Variants in LAMTOR3 observed in about 807,000 individuals in gnomAD.
LAMTOR3 encodes late endosomal/lysosomal adaptor, MAPK and MTOR activator 3.
In LAMTOR3, 14 loss-of-function variants were observed where a neutral mutation model predicts 20.3. That is an observed-to-expected ratio of 0.69 (90% CI 0.46 to 1.08). The LOEUF is 1.08. Ranked by LOEUF, LAMTOR3 falls within the 50% of genes least tolerant of loss-of-function variation. The pLI is 0.00. For missense variants in LAMTOR3, 125 were observed against 143.7 expected, an observed-to-expected ratio of 0.87 and a Z score of 0.67; for synonymous variants, 40 against 49.4, an observed-to-expected ratio of 0.81 and a Z score of 0.80.
chr4:99,893,122 G>A (rs1392479699), intron 2 of LAMTOR3, among the ~76,000 whole-genome samples: 1 of 152,134 alleles, frequency 6.6e-6, no homozygotes, highest in African/African-American at 2.4e-5. Context: ...TCAAGCAATC[G>A]TCTCGCCTCA....
rs138870935 is a variant in LAMTOR3 at position 99,884,162 on chromosome 4, T to A, written c.238-37A>T. On this transcript the variant is annotated intron_variant, in intron 5 of 6. Transcript: ENST00000499666. Reference sequence around the variant, plus strand: ...ATAAGAGCCAAATAATATGTTGCATTATGAAAAGGTAGTATAACTAAACTG... The same window carrying A: ...ATAAGAGCCAAATAATATGTTGCATAATGAAAAGGTAGTATAACTAAACTG... The A allele has an allele frequency of 2.6e-4, 384 of 1,483,178 alleles. 2 individuals carry two copies. In the African/African-American group the frequency reaches 5.1e-3, roughly 20 times the overall value. The allele number at this position is 1,483,178 out of a possible 1,614,324, so 91.9% of individuals were successfully genotyped here.
At position 99,881,239 on chromosome 4, in the gene LAMTOR3, C is replaced by T. The variant is rs1724821673; in HGVS notation, c.*755G>A. ...AAAAATACTATTTTATTTTTACTCA[C>T]ATATGAAAAAAATGGCTGTACTATC... On this transcript the variant is annotated 3_prime_UTR_variant, in exon 7 of 7. Coordinates refer to ENST00000499666, the MANE Select transcript of LAMTOR3 (RefSeq NM_021970.4). 2 of 152,068 alleles carry T rather than the reference C, an allele frequency of 1.3e-5. No homozygotes were observed. Among genetic ancestry groups the T allele is most frequent in the Non-Finnish European group, 2.9e-5 (2 of 68,004 alleles). The allele number at this position is 152,068 out of a possible 1,614,324, so 9.4% of individuals were successfully genotyped here. A position where few individuals can be genotyped will look rare whatever the true frequency, so the allele number is the denominator to read the frequency against.
chr4:99,884,150 AAT>A (rs1319591255), intron 5 of LAMTOR3, 25 bp from the exon 6 acceptor site: 1 of 1,556,784 alleles, frequency 6.4e-7, no homozygotes, highest in Admixed American at 1.7e-5. Flanking sequence ...AGAGCCAAAT[AAT>A]ATGTTGCATT....
At chr4:99,892,134 A>T in intron 2 of LAMTOR3, 100 bp from the exon 3 acceptor site, 1 of 1,445,896 alleles carries the variant, frequency 6.9e-7, no homozygotes, top group Non-Finnish European at 9.1e-7. Flanking sequence ...GTTATCATTC[A>T]TAACCTTTCT....
chr4:99,891,584 C>T (rs1470790730), intron 3 of LAMTOR3, among the ~76,000 whole-genome samples: 1 of 152,102 alleles, frequency 6.6e-6, no homozygotes, highest in African/African-American at 2.4e-5. Flanking sequence ...TTTGTACCTC[C>T]TTGTCTCCCA....
rs1383707405 is a variant in LAMTOR3 at position 99,881,091 on chromosome 4, C to G, written c.*903G>C. 6.6e-6 allele frequency: 1 copy of G among 152,096 alleles called. No homozygotes were observed. Among genetic ancestry groups the G allele is most frequent in the Non-Finnish European group, 1.5e-5 (1 of 68,012 alleles). The allele number at this position is 152,096 out of a possible 1,614,324, so 9.4% of individuals were successfully genotyped here. On this transcript the variant is annotated 3_prime_UTR_variant, in exon 7 of 7. Coordinates refer to ENST00000499666, the MANE Select transcript of LAMTOR3 (RefSeq NM_021970.4). ...TACTACCGTAAAACAATCTCCAAAC[C>G]AATACCTACAAGAAACACTCATTAT...
chr4:99,893,968 A>T lies in LAMTOR3; in HGVS notation c.-5T>A, dbSNP rs756000544. ...GGTGTCACTCACATCCGCCATGATGAACCCCCTTCTCTCGCAGGATCAATC... is the reference window on the plus strand; with the variant it reads ...GGTGTCACTCACATCCGCCATGATGTACCCCCTTCTCTCGCAGGATCAATC... On this transcript the variant is annotated 5_prime_UTR_variant, in exon 2 of 7. Transcript: ENST00000499666. 2 of 1,547,498 alleles carry T rather than the reference A, an allele frequency of 1.3e-6. No individual in the cohort carries two copies. Among genetic ancestry groups the T allele is most frequent in the Admixed American group, 1.8e-5 (1 of 54,620 alleles).
chr4:99,893,975 TTCTC>T lies in LAMTOR3; in HGVS notation c.-16_-13del, dbSNP rs761658364. On this transcript the variant is annotated 5_prime_UTR_variant, in exon 2 of 7. Coordinates refer to ENST00000499666, the MANE Select transcript of LAMTOR3 (RefSeq NM_021970.4). ...CTCACATCCGCCATGATGAACCCCCTTCTCTCGCAGGATCAATCTCCACGCCTGG... is the reference window on the plus strand; with the variant it reads ...CTCACATCCGCCATGATGAACCCCCTTCGCAGGATCAATCTCCACGCCTGG... The T allele has an allele frequency of 1.9e-4, 297 of 1,551,126 alleles. No individual in the cohort carries two copies. The highest frequency in any genetic ancestry group is 1.2e-3 in the Middle Eastern group (7 of 5,820).
chr4:99,886,169 G>C (rs1724922940), intron 4 of LAMTOR3, among the ~76,000 whole-genome samples: 1 of 152,134 alleles, frequency 6.6e-6, no homozygotes, highest in African/African-American at 2.4e-5. Flanking sequence ...AGGGCTCAAG[G>C]CTTTAACACA....
intron 3 of LAMTOR3, among the ~76,000 whole-genome samples, chr4:99,891,794 G>A (rs1725027384): frequency 6.6e-6 from 1 of 152,168 alleles, no homozygotes. Flanking sequence ...GATACACAGA[G>A]AACTCAGTGA....
Position 99,893,810 on chromosome 4 carries a change from A to G in LAMTOR3, c.9+145T>C, listed in dbSNP as rs1725069322. ...CATTCATATTAGTCTCCCACTTCAGATATCAGAGAAAATAATTAACTGGGA... is the reference window on the plus strand; with the variant it reads ...CATTCATATTAGTCTCCCACTTCAGGTATCAGAGAAAATAATTAACTGGGA... On this transcript the variant is annotated intron_variant, in intron 2 of 6. Coordinates refer to ENST00000499666, the MANE Select transcript of LAMTOR3 (RefSeq NM_021970.4). The G allele has an allele frequency of 1.7e-5, 9 of 545,342 alleles. No individual in the cohort carries two copies. The East Asian group carries it at 2.2e-4, about 13-fold the overall frequency. 33.8% of individuals were successfully genotyped at this position (545,342 alleles called of 1,614,324 possible).
At chr4:99,893,874 G>C (rs1262501459) in intron 2 of LAMTOR3, 81 bp downstream of exon 2, 1 of 1,155,220 alleles carries the variant, frequency 8.7e-7, no homozygotes. Context: ...TTTCTGTTTG[G>C]GAAGTTCTAC....
At chr4:99,889,936 AAGT>A (rs1022663150) in intron 3 of LAMTOR3, among the ~76,000 whole-genome samples, 2 of 152,234 alleles carry the variant, frequency 1.3e-5, no homozygotes, top group African/African-American at 2.4e-5. Flanking sequence ...TGAATCAAGA[AAGT>A]AGAAAAATTA....
chr4:99,880,977 G>A lies in LAMTOR3; in HGVS notation c.*1017C>T, dbSNP rs1724814855. ...TTGGTTTCTTTTCTTTTTTGTTTTT[G>A]AGACGGAGTCTCTGTTGCCCAGGCT... On this transcript the variant is annotated 3_prime_UTR_variant, in exon 7 of 7. Transcript: ENST00000499666. 6.6e-6 allele frequency: 1 copy of A among 151,992 alleles called. No homozygotes were observed. Among genetic ancestry groups the A allele is most frequent in the Non-Finnish European group, 1.5e-5 (1 of 68,014 alleles). The allele number at this position is 151,992 out of a possible 1,614,324, so 9.4% of individuals were successfully genotyped here.
intron 5 of LAMTOR3, among the ~76,000 whole-genome samples, chr4:99,884,331 A>C (rs1040400000): frequency 3.6e-4 from 55 of 152,212 alleles, no homozygotes; most frequent in African/African-American, 1.3e-3. Context: ...TAGAGACATT[A>C]ATACCATTTG....
chr4:99,894,529 GCCGCGCCCCTCCCCTCCCCCCCGCC>G (rs1725095621), upstream of LAMTOR3: 1 of 151,176 alleles, frequency 6.6e-6, no homozygotes, highest in Non-Finnish European at 1.5e-5. Context: ...GCGTCCGGCG[GCCGCGCCCCTCCCCTCCCCCCCGCC>G]CCGCACGCGC....
Position 99,887,295 on chromosome 4 carries a change from C to G in LAMTOR3, c.103+1G>C. 6.4e-7 allele frequency: 1 copy of G among 1,559,954 alleles called. No individual in the cohort carries two copies. Among genetic ancestry groups the G allele is most frequent in the African/African-American group, 1.4e-5 (1 of 72,484 alleles). The stretch of plus-strand genomic sequence containing the variant: ...ATTTGCATTTAAATGTTCAGTTTTA[C>G]CTTTAATAACAGGTACTCCATCTCT... On this transcript the variant is annotated splice_donor_variant, in intron 4 of 6. Coordinates refer to ENST00000499666, the MANE Select transcript of LAMTOR3 (RefSeq NM_021970.4). LOFTEE classifies it high-confidence loss of function.
intron 6 of LAMTOR3, 77 bp from the exon 7 acceptor site, chr4:99,882,144 C>A: frequency 1.2e-6 from 1 of 820,152 alleles, no homozygotes; most frequent in Non-Finnish European, 2.0e-6. Context: ...TCCTTATGTC[C>A]AAAATACATA....
chr4:99,881,756 G>C lies in LAMTOR3; in HGVS notation c.*238C>G. On this transcript the variant is annotated 3_prime_UTR_variant, in exon 7 of 7. Coordinates refer to ENST00000499666, the MANE Select transcript of LAMTOR3 (RefSeq NM_021970.4). ...GACTAACTCCATGGGAGCTGTGATA[G>C]ACTGAACCATTTCTGTGGTATCCCT... The C allele has an allele frequency of 8.6e-6, 4 of 464,778 alleles. No homozygotes were observed. 28.8% of individuals were successfully genotyped at this position (464,778 alleles called of 1,614,324 possible). A position where few individuals can be genotyped will look rare whatever the true frequency, so the allele number is the denominator to read the frequency against.
Sources: gnomAD v4.1 joint callset for allele counts (sites outside exome capture counted in the v4.1 genomes callset) on GRCh38, gnomAD v4.1.1 for gene constraint, MANE v1.5 for transcripts, NCBI Gene and HGNC (gene_info 2026-07-23, HGNC 2026-07-21) for gene names.